The following TMEM132D variants were observed in gnomAD, a reference collection of about 807,000 sequenced individuals.
TMEM132D encodes mature OL transmembrane protein.
In TMEM132D, 21 loss-of-function variants were observed where a neutral mutation model predicts 62.3. The ratio of observed to expected loss-of-function variants is 0.34; its 90% CI spans 0.24 to 0.49. TMEM132D has a LOEUF of 0.49. TMEM132D is among the 20% of genes least tolerant of loss of function. The pLI, the probability that TMEM132D is intolerant of heterozygous loss-of-function variation, is 0.99. For synonymous variants in TMEM132D, 621 were observed against 575.6 expected, an observed-to-expected ratio of 1.08 and a Z score of -1.13; for missense variants, 1,346 against 1,402.8, an observed-to-expected ratio of 0.96 and a Z score of 0.65.
chr12:129,329,184 T>C (rs1248314729), intron 4 of TMEM132D, among the ~76,000 whole-genome samples: 1 of 152,068 alleles, frequency 6.6e-6, no homozygotes, highest in Non-Finnish European at 1.5e-5. Flanking sequence ...CCTAGAACCA[T>C]GCATGGTACC....
At chr12:129,643,462 T>G (rs1357418137) in intron 2 of TMEM132D, among the ~76,000 whole-genome samples, 1 of 152,246 alleles carries the variant, frequency 6.6e-6, no homozygotes, top group Non-Finnish European at 1.5e-5. Context: ...GCAGATTTGC[T>G]GGCCACAGTA....
chr12:129,378,844 G>A (rs1235168255), intron 3 of TMEM132D, among the ~76,000 whole-genome samples: 6 of 152,130 alleles, frequency 3.9e-5, no homozygotes, highest in Non-Finnish European at 7.4e-5. Flanking sequence ...AATGGCGGCC[G>A]TTGACGGTGT....
intron 3 of TMEM132D, among the ~76,000 whole-genome samples, chr12:129,432,182 G>GATGGATGGATGGATGGATGGTTGC: frequency 6.6e-6 from 1 of 151,462 alleles, no homozygotes; most frequent in Non-Finnish European, 1.5e-5. Flanking sequence ...TGGATGGATG[G>GATGGATGGATGGATGGATGGTTGC]ATGGATGGAT....
rs573818495 is a variant in TMEM132D at position 129,441,820 on chromosome 12, A to G, written c.1115+89239T>C. On this transcript the variant is annotated intron_variant, in intron 3 of 8. Transcript: ENST00000422113. ...TTACACAGTGATAAAAAAATAATGA[A>G]ATCATCGCCTTTGCAGCAACATGGA... Among the ~76,000 whole-genome samples, 3 of 152,308 alleles carry G rather than the reference A, an allele frequency of 2.0e-5. No individual in the cohort carries two copies. In the South Asian group the frequency reaches 6.2e-4, roughly 32 times the overall value.
intron 1 of TMEM132D, among the ~76,000 whole-genome samples, chr12:129,733,411 A>G (rs1488714036): frequency 2.0e-5 from 3 of 152,192 alleles, no homozygotes; most frequent in Admixed American, 6.5e-5. Flanking sequence ...ATCCTGATCT[A>G]TGGCCAAAAT....
chr12:129,430,171 A>G (rs192462519), intron 3 of TMEM132D, among the ~76,000 whole-genome samples: 24 of 152,226 alleles, frequency 1.6e-4, no homozygotes, highest in African/African-American at 2.2e-4. Context: ...GACTTCCACA[A>G]TGGTTGAACT....
chr12:129,222,738 C>T (rs369770790), intron 4 of TMEM132D, among the ~76,000 whole-genome samples: 9 of 152,092 alleles, frequency 5.9e-5, no homozygotes, highest in African/African-American at 1.9e-4. Context: ...GGGTGGTTGC[C>T]AGGAACTGGG....
At chr12:129,772,669 C>G (rs1386737159) in intron 1 of TMEM132D, among the ~76,000 whole-genome samples, 3 of 152,210 alleles carry the variant, frequency 2.0e-5, no homozygotes, top group African/African-American at 7.2e-5. Context: ...CCCCTGATAA[C>G]AGCATCTAGA....
At chr12:129,879,095 AGTCTATTTTCC>A (rs1452860880) in intron 1 of TMEM132D, among the ~76,000 whole-genome samples, 1 of 152,236 alleles carries the variant, frequency 6.6e-6, no homozygotes, top group Non-Finnish European at 1.5e-5. Context: ...TGTGAAATGC[AGTCTATTTTCC>A]TTGTTAGGCC....
intron 1 of TMEM132D, among the ~76,000 whole-genome samples, chr12:129,760,729 T>C (rs144762508): frequency 6.6e-6 from 1 of 151,802 alleles, no homozygotes; most frequent in Non-Finnish European, 1.5e-5. Flanking sequence ...TGTGCCATGG[T>C]GGTGTGCTGC....
At chr12:129,524,575 A>C (rs1321734502) in intron 3 of TMEM132D, among the ~76,000 whole-genome samples, 1 of 152,194 alleles carries the variant, frequency 6.6e-6, no homozygotes, top group Non-Finnish European at 1.5e-5. Flanking sequence ...ATTACCAAAA[A>C]AACGGCTGCA....
At chr12:129,688,681 G>A (rs1429170205) in intron 2 of TMEM132D, among the ~76,000 whole-genome samples, 1 of 151,906 alleles carries the variant, frequency 6.6e-6, no homozygotes, top group Non-Finnish European at 1.5e-5. Context: ...AATATTTCAT[G>A]AGTGACTGTA....
intron 5 of TMEM132D, among the ~76,000 whole-genome samples, chr12:129,137,102 A>G: frequency 6.6e-6 from 1 of 151,272 alleles, no homozygotes; most frequent in East Asian, 1.9e-4. Context: ...CATCACCACC[A>G]TCACCACCAC....
intron 3 of TMEM132D, among the ~76,000 whole-genome samples, chr12:129,392,038 T>A (rs897013681): frequency 6.6e-6 from 1 of 151,900 alleles, no homozygotes; most frequent in African/African-American, 2.4e-5. Flanking sequence ...ATTACAGGCG[T>A]GAGCCACCAT....
At chr12:129,500,708 A>G (rs910724522) in intron 3 of TMEM132D, among the ~76,000 whole-genome samples, 1 of 152,240 alleles carries the variant, frequency 6.6e-6, no homozygotes, top group Admixed American at 6.5e-5. Flanking sequence ...AAAGAGAAAG[A>G]AAGTGTCTAA....
intron 2 of TMEM132D, among the ~76,000 whole-genome samples, chr12:129,544,305 T>G (rs141838195): frequency 6.6e-6 from 1 of 152,244 alleles, no homozygotes; most frequent in Non-Finnish European, 1.5e-5. Context: ...ATTAGGAAAT[T>G]GATTTGTAAG....
Position 129,805,763 on chromosome 12 carries a change from G to A in TMEM132D, c.79+97498C>T, listed in dbSNP as rs373806364. Among the ~76,000 whole-genome samples, 34 of 149,254 alleles carry A rather than the reference G, an allele frequency of 2.3e-4. No individual in the cohort carries two copies. In the East Asian group the frequency reaches 3.2e-3, roughly 14 times the overall value. ...CATCAGAGTGAACAGGCAACCTACA[G>A]AATGGGAGAAAATTTTCGCAACCTA... On this transcript the variant is annotated intron_variant, in intron 1 of 8. Transcript: ENST00000422113.
chr12:129,666,090 A>G (rs1016007858), intron 2 of TMEM132D, among the ~76,000 whole-genome samples: 2 of 152,176 alleles, frequency 1.3e-5, no homozygotes, highest in African/African-American at 4.8e-5. Context: ...TCTTCTCCCA[A>G]AGTATTTCCC....
chr12:129,260,002 A>C (rs58022439), intron 4 of TMEM132D, among the ~76,000 whole-genome samples: 3,826 of 152,268 alleles, frequency 0.025, 160 homozygotes, highest in African/African-American at 0.087. Flanking sequence ...AGACATCCTT[A>C]AGGAACTATC....
Sources: gnomAD v4.1 joint callset for allele counts (sites outside exome capture counted in the v4.1 genomes callset) on GRCh38, gnomAD v4.1.1 for gene constraint, MANE v1.5 for transcripts, NCBI Gene and HGNC (gene_info 2026-07-23, HGNC 2026-07-21) for gene names.